RIC8B: variants seen among roughly 807,000 people sequenced by gnomAD.
RIC8B encodes the protein chaperone Ric-8B.
In RIC8B, 16 loss-of-function variants were observed where a neutral mutation model predicts 57.5. The ratio of observed to expected loss-of-function variants is 0.28; its 90% confidence interval spans 0.19 to 0.42. The LOEUF (loss-of-function observed/expected upper bound fraction) is 0.42. RIC8B is among the 10% of genes least tolerant of loss of function. RIC8B has a pLI of 1.00. For synonymous variants in RIC8B, 216 were observed against 250.8 expected (o/e 0.86, Z 1.31); for missense variants, 481 against 677.0 (o/e 0.71, Z 3.21).
chr12:106,804,973 G>A (rs113159399), intron 2 of RIC8B, among the ~76,000 whole-genome samples: 53 of 152,294 alleles, frequency 3.5e-4, no homozygotes, highest in African/African-American at 1.0e-3. Flanking sequence ...ATGAGAAAAG[G>A]CACAGAAGTT....
At chr12:106,813,145 G>A (rs994877870) in intron 2 of RIC8B, among the ~76,000 whole-genome samples, 19 of 146,658 alleles carry the variant, frequency 1.3e-4, no homozygotes, top group African/African-American at 4.7e-4. Flanking sequence ...ATGTCTTCAA[G>A]TATACAGTAA....
intron 9 of RIC8B, among the ~76,000 whole-genome samples, chr12:106,878,131 TG>T (rs1950751757): frequency 6.6e-6 from 1 of 152,130 alleles, no homozygotes; most frequent in African/African-American, 2.4e-5. Context: ...ACCTCAAATT[TG>T]CTATGGAAAA....
At chr12:106,874,755 T>C (rs1490663210) in intron 9 of RIC8B, among the ~76,000 whole-genome samples, 2 of 152,224 alleles carry the variant, frequency 1.3e-5, no homozygotes, top group African/African-American at 4.8e-5. Context: ...TCCAAAGATA[T>C]TGGAGAGATT....
chr12:106,885,576 C>CAAA (rs35328877), intron 9 of RIC8B, among the ~76,000 whole-genome samples: 1 of 138,446 alleles, frequency 7.2e-6, no homozygotes, highest in Non-Finnish European at 1.6e-5. Flanking sequence ...ACCAATCCAC[C>CAAA]AAAAAAAAAA....
At chr12:106,835,664 T>A (rs746808358) in intron 4 of RIC8B, among the ~76,000 whole-genome samples, 2 of 152,250 alleles carry the variant, frequency 1.3e-5, no homozygotes, top group African/African-American at 2.4e-5. Flanking sequence ...TTCTTTTTTA[T>A]ACCTGGCACC....
At chr12:106,790,487 T>G (rs1566039885) in intron 2 of RIC8B, among the ~76,000 whole-genome samples, 1 of 152,228 alleles carries the variant, frequency 6.6e-6, no homozygotes, top group East Asian at 1.9e-4. Context: ...GCACCTGTGT[T>G]TATTGAAGCA....
At chr12:106,782,082 CAAT>C (rs975214346) in intron 1 of RIC8B, among the ~76,000 whole-genome samples, 18 of 152,078 alleles carry the variant, frequency 1.2e-4, no homozygotes, top group South Asian at 2.1e-4. Context: ...AATATACCAA[CAAT>C]GAGTCTTCTT....
Position 106,815,043 on chromosome 12 carries a change from T to G in RIC8B, c.480T>G (p.Ile160Met). The G allele has an allele frequency of 1.2e-6, 2 of 1,614,252 alleles. No homozygotes were observed. Among genetic ancestry groups the G allele is most frequent in the Non-Finnish European group, 1.7e-6 (2 of 1,180,044 alleles). Reference protein sequence around the residue: ...KCKDRKFINDIKCFDLRLLFL... With the variant: ...KCKDRKFINDMKCFDLRLLFL... ...AGGACCGGAAATTTATCAATGACAT[T>G]AAGTGCTTTGACTTGCGCTTGCTCT... is the stretch of plus-strand genomic sequence containing the variant. Residue 160 changes from isoleucine (I) to methionine (M), a missense_variant, in exon 3 of 10, where the codon ATT becomes ATG. This residue lies in a region of RIC8B where 421 missense variants were observed against 560.9 expected (regional missense o/e 0.75). Coordinates refer to ENST00000392837, the MANE Select transcript of RIC8B (RefSeq NM_001330145.2).
intron 2 of RIC8B, among the ~76,000 whole-genome samples, chr12:106,788,480 AGG>A: frequency 6.6e-6 from 1 of 152,154 alleles, no homozygotes; most frequent in East Asian, 1.9e-4. Context: ...GCCCTAGCAG[AGG>A]TTCTCCATGA....
chr12:106,819,771 A>C (rs1268778268), intron 3 of RIC8B, among the ~76,000 whole-genome samples: 2 of 148,304 alleles, frequency 1.3e-5, no homozygotes, highest in Admixed American at 1.4e-4. Context: ...AGGAATACTC[A>C]TAAGTATATA....
intron 2 of RIC8B, among the ~76,000 whole-genome samples, chr12:106,804,819 G>A (rs1410535614): frequency 6.6e-6 from 1 of 152,196 alleles, no homozygotes; most frequent in African/African-American, 2.4e-5. Flanking sequence ...CTATAAAAGT[G>A]CTAGAGATTA....
In RIC8B at chr12:106,774,725, G is replaced by C. The variant is rs368458606; in HGVS notation, c.-21G>C. 4.8e-4 allele frequency: 737 copies of C among 1,542,404 alleles called. 11 individuals carry two copies. The South Asian group carries it at 7.7e-3, about 16-fold the overall frequency. ...CGGCTTGGGCGCGCAGAGCGGCCGC[G>C]GCTCCCCCGCACCTGCGGCCATGGA... On this transcript the variant is annotated 5_prime_UTR_variant, in exon 1 of 10. Coordinates refer to ENST00000392837, the MANE Select transcript of RIC8B (RefSeq NM_001330145.2).
chr12:106,832,593 A>G (rs2046403853), intron 4 of RIC8B, among the ~76,000 whole-genome samples: 1 of 152,166 alleles, frequency 6.6e-6, no homozygotes, highest in South Asian at 2.1e-4. Context: ...TTATGCTTAA[A>G]AAGAGTGAAG....
At chr12:106,860,245 A>G (rs1488694271) in intron 7 of RIC8B, 23 bp from the exon 8 acceptor site, 3 of 1,541,478 alleles carry the variant, frequency 1.9e-6, no homozygotes, top group East Asian at 2.4e-5. Flanking sequence ...ATTCCTATCT[A>G]AAACCCTATT....
chr12:106,869,809 C>T (rs190484079), intron 8 of RIC8B, among the ~76,000 whole-genome samples: 100 of 152,164 alleles, frequency 6.6e-4, no homozygotes, highest in Middle Eastern at 3.4e-3. Context: ...CGTGGTGACA[C>T]GTGCCTGTAA....
chr12:106,848,932 T>C (rs1301928108), intron 6 of RIC8B, among the ~76,000 whole-genome samples: 3 of 152,162 alleles, frequency 2.0e-5, no homozygotes, highest in Non-Finnish European at 2.9e-5. Flanking sequence ...TGTACAACAT[T>C]GTACCTATAG....
At chr12:106,859,461 C>G (rs905699927) in intron 7 of RIC8B, among the ~76,000 whole-genome samples, 2 of 151,474 alleles carry the variant, frequency 1.3e-5, no homozygotes, top group African/African-American at 4.9e-5. Flanking sequence ...TTTTTTTAAA[C>G]TAAGATAATT....
intron 2 of RIC8B, among the ~76,000 whole-genome samples, chr12:106,807,863 A>G (rs1280990652): frequency 6.6e-6 from 1 of 152,182 alleles, no homozygotes; most frequent in African/African-American, 2.4e-5. Flanking sequence ...AGGCTGGCAG[A>G]TCACCTGAGG....
chr12:106,839,240 T>C (rs1400578474), intron 4 of RIC8B, among the ~76,000 whole-genome samples: 1 of 152,222 alleles, frequency 6.6e-6, no homozygotes, highest in Non-Finnish European at 1.5e-5. Flanking sequence ...CTTACAGCAC[T>C]GTTCACAATA....
Sources: allele counts gnomAD v4.1 joint callset (sites outside exome capture counted in the v4.1 genomes callset), GRCh38; gene constraint gnomAD v4.1.1; regional missense constraint gnomAD v4.1.1; transcripts MANE v1.5; gene names NCBI Gene and HGNC (gene_info 2026-07-23, HGNC 2026-07-21).